The following LRP1B variants were observed in gnomAD, a reference collection of about 807,000 sequenced individuals.
The protein encoded by LRP1B is LDL receptor related protein 1B, also known as low-density lipoprotein receptor-related protein 1B.
LRP1B carries 217 observed loss-of-function variants against 556.6 expected under a neutral mutation model. The observed-to-expected ratio is 0.39, with a 90% CI of 0.35 to 0.44. The LOEUF (loss-of-function observed/expected upper bound fraction) is 0.44. Among genes scored for constraint, LRP1B ranks in the 20% least tolerant of loss-of-function variants. The pLI is 1.00. For missense variants in LRP1B, 5,053 were observed against 5,620.8 expected (o/e 0.90, Z 3.23); for synonymous variants, 2,047 against 1,865.8 (o/e 1.10, Z -2.50).
intron 1 of LRP1B, among the ~76,000 whole-genome samples, chr2:141,941,826 T>A (rs962460641): frequency 6.6e-6 from 1 of 152,156 alleles, no homozygotes; most frequent in Non-Finnish European, 1.5e-5. Flanking sequence ...TCACTCACAA[T>A]CACTGTGAAC....
intron 68 of LRP1B, among the ~76,000 whole-genome samples, chr2:140,374,105 T>C (rs533611951): frequency 3.0e-4 from 45 of 152,304 alleles, no homozygotes; most frequent in African/African-American, 1.0e-3. Flanking sequence ...TCAAACAAGA[T>C]GGCAAATTTA....
In LRP1B at chr2:141,570,090, G is replaced by T. The variant is rs941877027; in HGVS notation, c.206-89557C>A. ...TCTAGAAAATATTTAAGGGGGTGGG[G>T]CCGAGATGACTGACTAGAAGCAGAG... On this transcript the variant is annotated intron_variant, in intron 2 of 90. Coordinates refer to ENST00000389484, the MANE Select transcript of LRP1B (RefSeq NM_018557.3). Among the ~76,000 whole-genome samples, 16 of 150,942 alleles carry T rather than the reference G, an allele frequency of 1.1e-4. 1 individual carries two copies. The highest frequency in any genetic ancestry group is 1.3e-4 in the Non-Finnish European group (9 of 67,366).
At chr2:141,660,792 G>T (rs1690187368) in intron 2 of LRP1B, among the ~76,000 whole-genome samples, 1 of 152,152 alleles carries the variant, frequency 6.6e-6, no homozygotes, top group African/African-American at 2.4e-5. Flanking sequence ...AGAAATCCCT[G>T]CAGCGCAGTG....
At chr2:140,581,712 C>A (rs527622894) in intron 43 of LRP1B, among the ~76,000 whole-genome samples, 100 of 152,066 alleles carry the variant, frequency 6.6e-4, no homozygotes, top group Non-Finnish European at 9.9e-4. Context: ...TATTGCCAAC[C>A]AAATGTTAGC....
chr2:141,386,962 A>G (rs190540243), intron 3 of LRP1B, among the ~76,000 whole-genome samples: 247 of 152,170 alleles, frequency 1.6e-3, no homozygotes, highest in Admixed American at 3.4e-3. Flanking sequence ...GCCAAAAAGC[A>G]AATTTTCATA....
At chr2:141,872,521 A>G (rs1429526458) in intron 1 of LRP1B, among the ~76,000 whole-genome samples, 2 of 151,954 alleles carry the variant, frequency 1.3e-5, no homozygotes, top group Non-Finnish European at 2.9e-5. Flanking sequence ...TAAAGAAAAC[A>G]AAAGATAGAA....
chr2:140,289,618 G>GTT (rs1683294447), intron 84 of LRP1B, among the ~76,000 whole-genome samples: 1 of 149,874 alleles, frequency 6.7e-6, no homozygotes, highest in Non-Finnish European at 1.5e-5. Flanking sequence ...TTTTTTTAAT[G>GTT]AAGGCATAAC....
chr2:140,628,071 T>C (rs1683732333), intron 41 of LRP1B, among the ~76,000 whole-genome samples: 1 of 152,146 alleles, frequency 6.6e-6, no homozygotes, highest in Non-Finnish European at 1.5e-5. Flanking sequence ...TACCAAGGAC[T>C]TTCCTTTGAA....
Position 140,855,493 on chromosome 2 carries a change from G to GGA in LRP1B, c.4580-3711_4580-3710insTC, listed in dbSNP as rs570169727. On this transcript the variant is annotated intron_variant, in intron 27 of 90. Coordinates refer to ENST00000389484, the MANE Select transcript of LRP1B (RefSeq NM_018557.3). The stretch of plus-strand genomic sequence containing the variant: ...GACAGGTAGGTCCCATCTCTACTGG[G>GGA]AAAAAAAAAAAATTTGAATGGCTTC... 6.0e-5 allele frequency among the ~76,000 whole-genome samples: 6 copies of GGA among 99,398 alleles called. 1 individual carries two copies. Among genetic ancestry groups the GGA allele is most frequent in the Admixed American group, 1.1e-4 (1 of 9,388 alleles). 65.2% of individuals were successfully genotyped at this position (99,398 alleles called of 152,430 possible).
At chr2:140,362,549 C>T (rs933360023) in intron 72 of LRP1B, among the ~76,000 whole-genome samples, 1 of 151,646 alleles carries the variant, frequency 6.6e-6, no homozygotes, top group Admixed American at 6.6e-5. Context: ...CCAGGAGTGC[C>T]TGTAGCTACC....
At chr2:141,195,358 A>G (rs951152912) in intron 6 of LRP1B, among the ~76,000 whole-genome samples, 4 of 152,128 alleles carry the variant, frequency 2.6e-5, no homozygotes, top group African/African-American at 9.7e-5. Flanking sequence ...TAACATCTTG[A>G]TTGCAACCTC....
At chr2:140,272,735 A>T (rs892072106) in intron 85 of LRP1B, among the ~76,000 whole-genome samples, 2 of 152,008 alleles carry the variant, frequency 1.3e-5, no homozygotes, top group Non-Finnish European at 2.9e-5. Context: ...AATGAACTTT[A>T]ATCATCTAAC....
chr2:140,981,497 T>C (rs1394144733), intron 18 of LRP1B, among the ~76,000 whole-genome samples: 3 of 152,136 alleles, frequency 2.0e-5, no homozygotes, highest in Admixed American at 2.0e-4. Context: ...GTAGACATTA[T>C]TGAGACAAAT....
In LRP1B at chr2:141,034,574, G is replaced by T. The variant is rs188842771; in HGVS notation, c.1789+14412C>A. On this transcript the variant is annotated intron_variant, in intron 11 of 90. Coordinates refer to ENST00000389484, the MANE Select transcript of LRP1B (RefSeq NM_018557.3). ...TATGAACAGACACTTCTTAAAAGAG[G>T]ACATTTATGCAGCCAAAAAACACAT... 9.8e-3 allele frequency among the ~76,000 whole-genome samples: 1,492 copies of T among 152,166 alleles called. 25 individuals are homozygous for T. The highest frequency in any genetic ancestry group is 0.033 in the African/African-American group (1,359 of 41,486).
chr2:141,534,616 T>C (rs186992208), intron 2 of LRP1B, among the ~76,000 whole-genome samples: 9 of 152,204 alleles, frequency 5.9e-5, no homozygotes, highest in Admixed American at 1.3e-4. Context: ...CAAATTTGTA[T>C]ATATATAAAA....
At chr2:142,040,624 GTTTT>G (rs397770023) in intron 1 of LRP1B, among the ~76,000 whole-genome samples, 1 of 143,756 alleles carries the variant, frequency 7.0e-6, no homozygotes, top group East Asian at 2.0e-4. Flanking sequence ...CAGTACTGAG[GTTTT>G]TTTTTTTTTT....
chr2:141,834,723 G>A (rs1022582385), intron 1 of LRP1B, among the ~76,000 whole-genome samples: 1 of 151,848 alleles, frequency 6.6e-6, no homozygotes, highest in African/African-American at 2.4e-5. Context: ...AAGAAGGATT[G>A]GGATCAGAAG....
At chr2:140,512,377 C>T (rs1490848738) in intron 51 of LRP1B, among the ~76,000 whole-genome samples, 2 of 152,144 alleles carry the variant, frequency 1.3e-5, no homozygotes, top group African/African-American at 4.8e-5. Flanking sequence ...GACTTTATTT[C>T]ATAGTTGCCA....
intron 3 of LRP1B, among the ~76,000 whole-genome samples, chr2:141,302,191 A>T (rs1275883448): frequency 1.3e-5 from 2 of 152,088 alleles, no homozygotes; most frequent in Non-Finnish European, 2.9e-5. Context: ...CAGTTTTGTC[A>T]TTCTGTTAAA....
Sources: allele counts gnomAD v4.1 joint callset (sites outside exome capture counted in the v4.1 genomes callset), GRCh38; gene constraint gnomAD v4.1.1; transcripts MANE v1.5; gene names NCBI Gene and HGNC (gene_info 2026-07-23, HGNC 2026-07-21).